CCDC50: variants seen among roughly 807,000 people sequenced by gnomAD.
CCDC50 encodes coiled-coil domain-containing protein 50.
A neutral mutation model predicts 70.2 loss-of-function variants in CCDC50; 54 were observed. The observed-to-expected ratio is 0.77, with a 90% CI of 0.62 to 0.96. CCDC50 has a LOEUF of 0.96. Ranked by LOEUF, CCDC50 falls within the 50% of genes least tolerant of loss-of-function variation. The probability of loss-of-function intolerance (pLI) is 0.00; values close to 1 mark genes in which losing one functional copy is unlikely to be tolerated. For synonymous variants in CCDC50, 216 were observed against 198.8 expected (o/e 1.09, Z -0.73); for missense variants, 558 against 578.7 (o/e 0.96, Z 0.37).
intron 4 of CCDC50, among the ~76,000 whole-genome samples, chr3:191,365,031 CTTAG>C (rs1712632543): frequency 1.3e-5 from 2 of 151,990 alleles, no homozygotes; most frequent in African/African-American, 4.8e-5. Context: ...GTTAATTTAA[CTTAG>C]TTATTCTTAA....
At chr3:191,342,531 T>C (rs1405843101) in intron 1 of CCDC50, among the ~76,000 whole-genome samples, 2 of 152,142 alleles carry the variant, frequency 1.3e-5, no homozygotes. Context: ...CTAAAATGGT[T>C]TTTCTTCCCC....
intron 6 of CCDC50, among the ~76,000 whole-genome samples, chr3:191,379,869 C>A (rs1236672103): frequency 6.6e-6 from 1 of 152,040 alleles, no homozygotes; most frequent in Non-Finnish European, 1.5e-5. Flanking sequence ...CAGGGCCTCA[C>A]TTGCAACTTC....
rs112265944 is a variant in CCDC50 at position 191,359,650 on chromosome 3, G to T, written c.240-1419G>T. 2.7e-3 allele frequency among the ~76,000 whole-genome samples: 405 copies of T among 152,182 alleles called. 2 individuals carry two copies. The highest frequency in any genetic ancestry group is 8.8e-3 in the African/African-American group (367 of 41,540). On this transcript the variant is annotated intron_variant, in intron 3 of 11. Coordinates refer to ENST00000392455, the MANE Select transcript of CCDC50 (RefSeq NM_178335.3). ...GGACAGTGGTGACAGAGAGGAAGGA[G>T]ATGATGAGGCCTAAATTGAAGGTCA...
In CCDC50 at chr3:191,369,688, G is replaced by A. The variant is rs4677727; in HGVS notation, c.331-231G>A. On this transcript the variant is annotated intron_variant, in intron 4 of 11. Transcript: ENST00000392455. ...GTACTGAGTTTTGAATGTCTTCCAT[G>A]TTGTGGTGGATTTAAATCTCAATTA... Among the ~76,000 whole-genome samples, 48,310 of 151,972 alleles carry A rather than the reference G, an allele frequency of 0.32. 7,689 individuals are homozygous for A. Among genetic ancestry groups the A allele is most frequent in the Non-Finnish European group, 0.33 (22,090 of 67,934 alleles).
chr3:191,392,493 A>G lies in CCDC50; in HGVS notation c.*733A>G, dbSNP rs1017967691. The G allele has an allele frequency of 2.0e-5, 3 of 152,224 alleles. No individual in the cohort carries two copies. Among genetic ancestry groups the G allele is most frequent in the African/African-American group, 7.2e-5 (3 of 41,456 alleles). 9.4% of individuals were successfully genotyped at this position (152,224 alleles called of 1,614,324 possible). On this transcript the variant is annotated 3_prime_UTR_variant, in exon 12 of 12. Coordinates refer to ENST00000392455, the MANE Select transcript of CCDC50 (RefSeq NM_178335.3). ...AACTCATATATATGAAAAACTTTGT[A>G]TTCCATCTCTTCTTTTTCATTTACT...
At chr3:191,387,074 G>A (rs919693562) in intron 10 of CCDC50, among the ~76,000 whole-genome samples, 1 of 151,860 alleles carries the variant, frequency 6.6e-6, no homozygotes, top group African/African-American at 2.4e-5. Context: ...AGTATTTATT[G>A]AGCACCCTAT....
intron 4 of CCDC50, among the ~76,000 whole-genome samples, chr3:191,365,802 A>G (rs1712666226): frequency 5.9e-5 from 9 of 152,258 alleles, no homozygotes; most frequent in Admixed American, 4.6e-4. Flanking sequence ...GTAACTCTCT[A>G]TCCCTTATAC....
chr3:191,341,026 A>C (rs924560790), intron 1 of CCDC50, among the ~76,000 whole-genome samples: 2 of 151,084 alleles, frequency 1.3e-5, no homozygotes, highest in African/African-American at 4.9e-5. Context: ...GGGTCTCACT[A>C]TATTGCCCAG....
chr3:191,336,853 G>A (rs1396293069), intron 1 of CCDC50, among the ~76,000 whole-genome samples: 1 of 152,200 alleles, frequency 6.6e-6, no homozygotes, highest in Non-Finnish European at 1.5e-5. Context: ...TAAAGAATGA[G>A]CAGTAATCCT....
intron 1 of CCDC50, among the ~76,000 whole-genome samples, chr3:191,339,127 G>A (rs1293372352): frequency 2.6e-5 from 4 of 152,040 alleles, no homozygotes; most frequent in Admixed American, 2.0e-4. Context: ...GTTTTGGGTT[G>A]GAAACAATGA....
chr3:191,375,409 G>C lies in CCDC50; in HGVS notation c.796G>C (p.Glu266Gln), dbSNP rs774005169. The stretch of plus-strand genomic sequence containing the variant: ...GATTAACCATCAGACTCGAAATTGG[G>C]AAAAACAGTCTCGACACCAAGATCG... ...TKINHQTRNW[E>Q]KQSRHQDRLS... Residue 266 changes from glutamate to glutamine, a missense_variant, in exon 6 of 12, where the codon GAA becomes CAA. Coordinates refer to ENST00000392455, the MANE Select transcript of CCDC50 (RefSeq NM_178335.3). 1 of 1,613,738 alleles carries C rather than the reference G, an allele frequency of 6.2e-7. No individual in the cohort carries two copies. Among genetic ancestry groups the C allele is most frequent in the Non-Finnish European group, 8.5e-7 (1 of 1,179,860 alleles).
In CCDC50 at chr3:191,329,710, T is replaced by C. The variant is rs1319070391; in HGVS notation, c.36T>C (p.Pro12=). The C allele has an allele frequency of 6.2e-7, 1 of 1,610,292 alleles. No individual in the cohort carries two copies. The highest frequency in any genetic ancestry group is 1.1e-5 in the South Asian group (1 of 90,104). Residue 12 remains proline (P), a synonymous_variant, in exon 1 of 12, where the codon CCT becomes CCC. Transcript: ENST00000392455. ...TCAGCATCGACCAGTCCAAGCTGCC[T>C]GGAGTCAAGGAAGGTAAGGGCCCCG... The part of the protein sequence containing the change: ...AEVSIDQSKL[P]GVKEVCRDFA...
chr3:191,367,806 G>T (rs532263785), intron 4 of CCDC50, among the ~76,000 whole-genome samples: 1 of 152,162 alleles, frequency 6.6e-6, no homozygotes, highest in African/African-American at 2.4e-5. Flanking sequence ...TGGGTGCTTA[G>T]TAAACATACA....
intron 5 of CCDC50, among the ~76,000 whole-genome samples, chr3:191,372,364 A>G (rs1712941661): frequency 6.6e-6 from 1 of 152,068 alleles, no homozygotes; most frequent in South Asian, 2.1e-4. Context: ...CTGTGTTGTT[A>G]TTGGGAGGTT....
intron 1 of CCDC50, among the ~76,000 whole-genome samples, chr3:191,339,685 A>G (rs1711657032): frequency 6.6e-6 from 1 of 152,212 alleles, no homozygotes; most frequent in South Asian, 2.1e-4. Flanking sequence ...TACTCTGATC[A>G]TCTGGCCCCA....
chr3:191,330,913 G>A (rs1306025438), intron 1 of CCDC50, among the ~76,000 whole-genome samples: 2 of 152,088 alleles, frequency 1.3e-5, no homozygotes, highest in Non-Finnish European at 2.9e-5. Context: ...GTTCCGGAAG[G>A]GTGTTAAAGC....
intron 4 of CCDC50, among the ~76,000 whole-genome samples, chr3:191,366,685 C>A (rs77550869): frequency 0.034 from 4,923 of 146,158 alleles, 113 homozygotes; most frequent in Non-Finnish European, 0.048. Context: ...TTTTTTTTTT[C>A]TTTTAAAGTT....
At chr3:191,351,216 C>T (rs1203719062) in intron 1 of CCDC50, among the ~76,000 whole-genome samples, 1 of 141,592 alleles carries the variant, frequency 7.1e-6, no homozygotes, top group South Asian at 2.2e-4. Flanking sequence ...GAAAAATGCT[C>T]AGAGTTTACT....
At position 191,396,184 on chromosome 3, in the gene CCDC50, C is replaced by T. The variant is rs1713852892; in HGVS notation, c.*4424C>T. The T allele has an allele frequency of 6.6e-6, 1 of 152,186 alleles. No individual in the cohort carries two copies. The allele number at this position is 152,186 out of a possible 1,614,324, so 9.4% of individuals were successfully genotyped here. ...AGAGTCACTTTTACAATGAGACCTGCACTTTATGCCAGCACTGTTTGTGAG... is the reference window on the plus strand; with the variant it reads ...AGAGTCACTTTTACAATGAGACCTGTACTTTATGCCAGCACTGTTTGTGAG... On this transcript the variant is annotated 3_prime_UTR_variant, in exon 12 of 12. Transcript: ENST00000392455.
Sources: allele counts gnomAD v4.1 joint callset (sites outside exome capture counted in the v4.1 genomes callset), GRCh38; gene constraint gnomAD v4.1.1; transcripts MANE v1.5; gene names NCBI Gene and HGNC (gene_info 2026-07-23, HGNC 2026-07-21).